Variants in SUSD4 observed in about 807,000 individuals in gnomAD.
The protein encoded by SUSD4 is sushi domain containing 4.
A neutral mutation model predicts 50.5 loss-of-function variants in SUSD4; 41 were observed. The ratio of observed to expected loss-of-function variants is 0.81; its 90% confidence interval spans 0.63 to 1.05. The LOEUF is 1.05. Ranked by LOEUF, SUSD4 falls within the 50% of genes least tolerant of loss-of-function variation. The probability of loss-of-function intolerance (pLI) is 0.00; values close to 1 mark genes in which losing one functional copy is unlikely to be tolerated. For missense variants in SUSD4, 580 were observed against 634.7 expected, an observed-to-expected ratio of 0.91 and a Z score of 0.93; for synonymous variants, 257 against 257.3, an observed-to-expected ratio of 1.00 and a Z score of 0.01.
intron 7 of SUSD4, among the ~76,000 whole-genome samples, chr1:223,226,764 C>T (rs897960353): frequency 6.6e-6 from 1 of 152,194 alleles, no homozygotes; most frequent in Admixed American, 6.5e-5. Flanking sequence ...TCTGACATGG[C>T]CACAGAAGGC....
intron 2 of SUSD4, among the ~76,000 whole-genome samples, chr1:223,333,022 C>T (rs79565982): frequency 0.012 from 1,782 of 152,210 alleles, 29 homozygotes; most frequent in African/African-American, 0.041. Context: ...GCACCAGGTG[C>T]AGGACCCTCA....
At position 223,263,569 on chromosome 1, in the gene SUSD4, T is replaced by C. The variant is rs935746033; in HGVS notation, c.724+1061A>G. The stretch of plus-strand genomic sequence containing the variant: ...AGTTCTAATGATCAGCCTAGGAGTA[T>C]GACAAAACCAATGGGAAGGGCTGGC... On this transcript the variant is annotated intron_variant, in intron 5 of 8. Coordinates refer to ENST00000366878, the MANE Select transcript of SUSD4 (RefSeq NM_017982.4). 18 of 985,188 alleles carry C rather than the reference T, an allele frequency of 1.8e-5. No individual in the cohort carries two copies. In the African/African-American group the frequency reaches 3.1e-4, roughly 17 times the overall value. 61.0% of individuals were successfully genotyped at this position (985,188 alleles called of 1,614,324 possible).
Position 223,229,284 on chromosome 1 carries a change from C to G in SUSD4, c.829G>C (p.Gly277Arg). Residue 277 changes from glycine (G) to arginine (R), a missense_variant, in exon 6 of 9, where the codon GGC (glycine) becomes CGC (arginine). Transcript: ENST00000366878. The surrounding 1 kb of genome is among the most constrained non-coding windows in gnomAD (Gnocchi z 4.7). ...TTGTAGTCGCTGGTGAGGCTGTAGCCAGGATCGCAGTAAAACTCCACCACA... is the reference window on the plus strand; with the variant it reads ...TTGTAGTCGCTGGTGAGGCTGTAGCGAGGATCGCAGTAAAACTCCACCACA... ...GTVVEFYCDP[G>R]YSLTSDYKYI... 6.2e-7 allele frequency: 1 copy of G among 1,613,378 alleles called. No homozygotes were observed. The highest frequency in any genetic ancestry group is 8.5e-7 in the Non-Finnish European group (1 of 1,179,434).
At chr1:223,234,895 T>C in intron 5 of SUSD4, 1 of 1,537,274 alleles carries the variant, frequency 6.5e-7, no homozygotes, top group Non-Finnish European at 8.7e-7. Context: ...TGAAATACAG[T>C]ATAGGATAAA....
chr1:223,345,501 C>T (rs1445273971), intron 2 of SUSD4, among the ~76,000 whole-genome samples: 3 of 152,166 alleles, frequency 2.0e-5, no homozygotes, highest in African/African-American at 4.8e-5. Flanking sequence ...CAGGCCCTGC[C>T]GCTCCCTCTC....
intron 5 of SUSD4, among the ~76,000 whole-genome samples, chr1:223,246,568 G>A (rs1238548071): frequency 6.6e-6 from 1 of 151,926 alleles, no homozygotes; most frequent in Non-Finnish European, 1.5e-5. Flanking sequence ...CAGTCATTCA[G>A]GAGGAGAAAG....
At chr1:223,234,508 G>A (rs1308687828) in intron 5 of SUSD4, among the ~76,000 whole-genome samples, 1 of 152,186 alleles carries the variant, frequency 6.6e-6, no homozygotes, top group Admixed American at 6.5e-5. Context: ...CATCCAGCAT[G>A]ATTCTTGATA....
intron 2 of SUSD4, among the ~76,000 whole-genome samples, chr1:223,300,954 G>A (rs1329709987): frequency 6.6e-6 from 1 of 152,184 alleles, no homozygotes; most frequent in African/African-American, 2.4e-5. Context: ...AATGAAAGGT[G>A]TGAAAAGCAA....
chr1:223,244,301 G>T (rs1024740329), intron 5 of SUSD4, among the ~76,000 whole-genome samples: 10 of 152,192 alleles, frequency 6.6e-5, no homozygotes, highest in African/African-American at 2.4e-4. Context: ...AGCCCACCTT[G>T]CTTCCTCTGC....
At chr1:223,358,461 A>T (rs2282399) in intron 2 of SUSD4, among the ~76,000 whole-genome samples, 10,528 of 152,298 alleles carry the variant, frequency 0.069, 564 homozygotes, top group East Asian at 0.2. Flanking sequence ...AATGCAGAGC[A>T]CTTGTTTATA....
chr1:223,227,677 C>G lies in SUSD4; in HGVS notation c.978G>C (p.Thr326=). ...GCAGCACCAGCAGCACACTGGTTGC[C>G]GTGAACGCCACAATCTTCCACGTGG... ...LLTTWKIVAF[T]ATSVLLVLLL... The change falls in exon 7 of 9, where the codon ACG becomes ACC. Residue 326 remains threonine (T), a synonymous_variant. Coordinates refer to ENST00000366878, the MANE Select transcript of SUSD4 (RefSeq NM_017982.4). This position sits in a 1 kb window ranked among gnomAD's most constrained non-coding sequence, Gnocchi z 4.5. 1.9e-6 allele frequency: 3 copies of G among 1,613,652 alleles called. No individual in the cohort carries two copies. In the South Asian group the frequency reaches 3.3e-5, roughly 18 times the overall value.
intron 5 of SUSD4, among the ~76,000 whole-genome samples, chr1:223,259,084 A>G (rs901276171): frequency 6.6e-6 from 1 of 152,176 alleles, no homozygotes; most frequent in African/African-American, 2.4e-5. Context: ...AACACATGCT[A>G]TGTGAGCCCC....
chr1:223,300,135 A>C (rs34013846), intron 2 of SUSD4, among the ~76,000 whole-genome samples: 68,769 of 151,930 alleles, frequency 0.45, 16,415 homozygotes, highest in African/African-American at 0.61. Flanking sequence ...GTCAGAGCAG[A>C]CCAGGGGCAG....
At chr1:223,264,493 T>C (rs1304512955) in intron 5 of SUSD4, 137 bp downstream of exon 5, 82 of 1,425,198 alleles carry the variant, frequency 5.8e-5, no homozygotes, top group Non-Finnish European at 7.4e-5. Context: ...TGATCTCTGC[T>C]CTGGAGAAAA....
intron 3 of SUSD4, among the ~76,000 whole-genome samples, chr1:223,283,425 T>C (rs1663898308): frequency 6.6e-6 from 1 of 152,110 alleles, no homozygotes. Context: ...GTGAAGGATA[T>C]GAACAGATAC....
At position 223,227,494 on chromosome 1, in the gene SUSD4, T is replaced by C. The variant is rs117628556; in HGVS notation, c.1061+100A>G. The stretch of plus-strand genomic sequence containing the variant: ...GTTTTTGCTCTCCCCTGTTTCCCTT[T>C]AGAGCTTCAACTTTTCACTCATCAC... On this transcript the variant is annotated intron_variant, in intron 7 of 8. Transcript: ENST00000366878. This position sits in a 1 kb window ranked among gnomAD's most constrained non-coding sequence, Gnocchi z 4.5. 4.4e-3 allele frequency: 6,518 copies of C among 1,476,350 alleles called. 244 individuals are homozygous for C. In the East Asian group the frequency reaches 0.098, roughly 22 times the overall value. 91.5% of individuals were successfully genotyped at this position (1,476,350 alleles called of 1,614,324 possible). A position where few individuals can be genotyped will look rare whatever the true frequency, so the allele number is the denominator to read the frequency against.
chr1:223,249,575 A>T (rs1476754412), intron 5 of SUSD4, among the ~76,000 whole-genome samples: 1 of 152,212 alleles, frequency 6.6e-6, no homozygotes, highest in Non-Finnish European at 1.5e-5. Flanking sequence ...GAAGAGGAGG[A>T]AGCAATTGGT....
At chr1:223,246,266 G>A (rs1160446624) in intron 5 of SUSD4, among the ~76,000 whole-genome samples, 2 of 152,074 alleles carry the variant, frequency 1.3e-5, no homozygotes, top group African/African-American at 4.8e-5. Context: ...TGAGAAGGAT[G>A]GAAAAAGAAG....
intron 5 of SUSD4, among the ~76,000 whole-genome samples, chr1:223,235,609 G>A (rs1660169359): frequency 6.7e-6 from 1 of 149,248 alleles, no homozygotes; most frequent in Non-Finnish European, 1.5e-5. Context: ...AGTTGGAATA[G>A]GACAGTATAT....
Sources: gnomAD v4.1 joint callset for allele counts (sites outside exome capture counted in the v4.1 genomes callset) on GRCh38, gnomAD v4.1.1 for gene constraint, Gnocchi (gnomAD v3.1) non-coding constraint, MANE v1.5 for transcripts, NCBI Gene and HGNC (gene_info 2026-07-23, HGNC 2026-07-21) for gene names.